The following FOXP4 variants were observed in gnomAD, a reference collection of about 807,000 sequenced individuals.
FOXP4 encodes forkhead box P4.
Under a neutral mutation model 82.6 loss-of-function variants are expected in FOXP4, and 25 were observed. The ratio of observed to expected loss-of-function variants is 0.30; its 90% confidence interval spans 0.22 to 0.42. FOXP4 has a LOEUF of 0.42. Among genes scored for constraint, FOXP4 ranks in the 10% least tolerant of loss-of-function variants. The pLI is 1.00. For synonymous variants in FOXP4, 415 were observed against 388.2 expected (o/e 1.07, Z -0.81); for missense variants, 785 against 900.9 (o/e 0.87, Z 1.65).
chr6:41,568,234 A>C (rs990466488), intron 2 of FOXP4, among the ~76,000 whole-genome samples: 1 of 152,176 alleles, frequency 6.6e-6, no homozygotes, highest in Non-Finnish European at 1.5e-5. Flanking sequence ...TTAGAGGACA[A>C]ACCAATGCCT....
intron 2 of FOXP4, chr6:41,570,357 A>G (rs759112444): frequency 1.1e-5 from 5 of 471,120 alleles, no homozygotes; most frequent in Non-Finnish European, 2.2e-5. Flanking sequence ...CTGCTGGGGA[A>G]TGCTCAGAAA....
Position 41,587,324 on chromosome 6 carries a change from C to G in FOXP4, c.684C>G (p.Pro228=). Residue 228 remains proline, a synonymous_variant, in exon 7 of 17, where the codon CCC becomes CCG. Transcript: ENST00000307972. ...PQAAVCPTDL[P]QLWKGEGAPG... ...CAGCTGTTTGCCCAACAGACCTGCC[C>G]CAGCTGTGGAAGGGCGAGGGTGCCC... 1 of 1,613,188 alleles carries G rather than the reference C, an allele frequency of 6.2e-7. No homozygotes were observed. Among genetic ancestry groups the G allele is most frequent in the South Asian group, 1.1e-5 (1 of 91,038 alleles).
At chr6:41,560,266 C>T (rs1764492197) in intron 1 of FOXP4, among the ~76,000 whole-genome samples, 2 of 152,036 alleles carry the variant, frequency 1.3e-5, no homozygotes, top group Admixed American at 6.5e-5. Context: ...GACTCTCCCC[C>T]GCACCACCAC....
chr6:41,593,622 C>T lies in FOXP4; in HGVS notation c.1537-1248C>T, dbSNP rs1025236933. Among the ~76,000 whole-genome samples, 9 of 152,188 alleles carry T rather than the reference C, an allele frequency of 5.9e-5. No individual in the cohort carries two copies. The highest frequency in any genetic ancestry group is 1.9e-4 in the East Asian group (1 of 5,200). On this transcript the variant is annotated intron_variant, in intron 13 of 16. Transcript: ENST00000307972. The surrounding 1 kb of genome is among the most constrained non-coding windows in gnomAD (Gnocchi z 4.1). ...AGCGGAGGATCGGAGCCCCGTAATG[C>T]GGGCAAATTTATTCCGAGGCAGGAG...
intron 4 of FOXP4, 74 bp downstream of exon 4, chr6:41,584,965 A>AC: frequency 6.7e-7 from 1 of 1,491,380 alleles, no homozygotes; most frequent in South Asian, 1.3e-5. Flanking sequence ...TTTACACCTC[A>AC]CCAAGGGCCC....
chr6:41,561,066 GC>G (rs1433473148), intron 1 of FOXP4, among the ~76,000 whole-genome samples: 1 of 152,220 alleles, frequency 6.6e-6, no homozygotes, highest in East Asian at 1.9e-4. Context: ...TCTTTGAAGA[GC>G]CAGGAGCCTC....
intron 1 of FOXP4, among the ~76,000 whole-genome samples, chr6:41,553,231 G>A (rs571053476): frequency 1.4e-5 from 2 of 143,320 alleles, no homozygotes; most frequent in African/African-American, 5.0e-5. Context: ...CCTCCCACCC[G>A]ATCCCCATCG....
chr6:41,554,380 G>A (rs144089575), intron 1 of FOXP4, among the ~76,000 whole-genome samples: 12 of 152,342 alleles, frequency 7.9e-5, no homozygotes, highest in African/African-American at 2.9e-4. Flanking sequence ...CACTGAGCCT[G>A]CATTTCTGTG....
At position 41,569,153 on chromosome 6, in the gene FOXP4, T is replaced by C. The variant is rs543714011; in HGVS notation, c.204+3189T>C. Among the ~76,000 whole-genome samples the C allele has an allele frequency of 8.1e-4, 124 of 152,306 alleles. 1 individual carries two copies. Among genetic ancestry groups the C allele is most frequent in the Admixed American group, 1.6e-3 (25 of 15,304 alleles). On this transcript the variant is annotated intron_variant, in intron 2 of 16. Coordinates refer to ENST00000307972, the MANE Select transcript of FOXP4 (RefSeq NM_001012426.2). Reference sequence around the variant, plus strand: ...GGCTTTCACCAAGTCTGCAGTCTTATGCCCTATGGGGAATCTGTCTACCCT... The same window carrying C: ...GGCTTTCACCAAGTCTGCAGTCTTACGCCCTATGGGGAATCTGTCTACCCT...
chr6:41,579,038 G>A (rs1418328030), intron 3 of FOXP4, among the ~76,000 whole-genome samples: 1 of 152,178 alleles, frequency 6.6e-6, no homozygotes, highest in Non-Finnish European at 1.5e-5. Flanking sequence ...GGTGCAGGGT[G>A]CTCAGAGAAG....
At chr6:41,588,990 A>G (rs1477186985) in intron 9 of FOXP4, among the ~76,000 whole-genome samples, 2 of 152,246 alleles carry the variant, frequency 1.3e-5, no homozygotes, top group Admixed American at 6.5e-5. Flanking sequence ...AACATCAAAA[A>G]TAATTATTAG....
chr6:41,560,306 T>C (rs930608073), intron 1 of FOXP4, among the ~76,000 whole-genome samples: 1 of 152,212 alleles, frequency 6.6e-6, no homozygotes, highest in Admixed American at 6.5e-5. Context: ...CATTCAGTAG[T>C]AAATTGGTGT....
At chr6:41,592,230 A>G (rs1372621738) in intron 13 of FOXP4, among the ~76,000 whole-genome samples, 1 of 152,190 alleles carries the variant, frequency 6.6e-6, no homozygotes, top group African/African-American at 2.4e-5. Flanking sequence ...GGTTTCAACA[A>G]GTGTTACTGA....
At position 41,588,668 on chromosome 6, in the gene FOXP4, G is replaced by A; in HGVS notation, c.1002G>A (p.Leu334=). The change falls in exon 9 of 17, where the codon CTG becomes CTA. Residue 334 remains leucine, a synonymous_variant. Transcript: ENST00000307972. Reference sequence around the variant, plus strand: ...GACACCTCAACACAGAGCACGCCCTGGATGACCGGAGTACAGCCCAGTGCC... The same window carrying A: ...GACACCTCAACACAGAGCACGCCCTAGATGACCGGAGTACAGCCCAGTGCC... The part of the protein sequence containing the change: ...FIKHLNTEHA[L]DDRSTAQCRV... 2 of 1,614,088 alleles carry A rather than the reference G, an allele frequency of 1.2e-6. No homozygotes were observed. The highest frequency in any genetic ancestry group is 1.7e-6 in the Non-Finnish European group (2 of 1,180,024).
chr6:41,595,426 C>T (rs1401476760), intron 14 of FOXP4, among the ~76,000 whole-genome samples: 2 of 152,106 alleles, frequency 1.3e-5, no homozygotes, highest in Non-Finnish European at 2.9e-5. Flanking sequence ...CATCTTACGG[C>T]AGAGGAGAGC....
chr6:41,575,425 C>T (rs1294861115), intron 2 of FOXP4, among the ~76,000 whole-genome samples: 1 of 152,056 alleles, frequency 6.6e-6, no homozygotes, highest in Non-Finnish European at 1.5e-5. Context: ...GAGTGAGGAC[C>T]CATGTATGAG....
chr6:41,590,314 G>T lies in FOXP4; in HGVS notation c.1401G>T (p.Arg467=). 6.2e-7 allele frequency: 1 copy of T among 1,613,966 alleles called. No homozygotes were observed. The highest frequency in any genetic ancestry group is 8.5e-7 in the Non-Finnish European group (1 of 1,179,990). ...AGTTCTACAAGAACGCCGACGTCCG[G>T]CCCCCCTTCACCTACGCCTCCCTCA... ...NHEFYKNADV[R]PPFTYASLIR... The change falls in exon 12 of 17, where the codon CGG becomes CGT. Residue 467 remains arginine, a synonymous_variant. Coordinates refer to ENST00000307972, the MANE Select transcript of FOXP4 (RefSeq NM_001012426.2).
At chr6:41,574,776 C>T (rs566946382) in intron 2 of FOXP4, among the ~76,000 whole-genome samples, 10 of 152,254 alleles carry the variant, frequency 6.6e-5, no homozygotes, top group Admixed American at 3.9e-4. Flanking sequence ...GCAGCGTGGT[C>T]GATGTGACCC....
chr6:41,585,545 C>G (rs368450451), intron 5 of FOXP4, 28 bp downstream of exon 5: 3 of 1,601,662 alleles, frequency 1.9e-6, no homozygotes, highest in Non-Finnish European at 2.6e-6. Context: ...GGCCCACCAC[C>G]GCCCTCACCC....
Sources: allele counts gnomAD v4.1 joint callset (sites outside exome capture counted in the v4.1 genomes callset), GRCh38; gene constraint gnomAD v4.1.1; non-coding constraint Gnocchi (gnomAD v3.1); transcripts MANE v1.5; gene names NCBI Gene and HGNC (gene_info 2026-07-23, HGNC 2026-07-21).